CPA6: variants seen among roughly 807,000 people sequenced by gnomAD.
CPA6 encodes the protein carboxypeptidase A6.
CPA6 carries 58 observed loss-of-function variants against 63.3 expected under a neutral mutation model. That is an observed-to-expected ratio of 0.92 (90% CI 0.74 to 1.14). The LOEUF is 1.14. CPA6 is among the 50% of genes most tolerant of loss of function. CPA6 has a pLI of 0.00. For missense variants in CPA6, 565 were observed against 526.6 expected (o/e 1.07, Z -0.71); for synonymous variants, 185 against 179.0 (o/e 1.03, Z -0.27).
intron 8 of CPA6, among the ~76,000 whole-genome samples, chr8:67,436,256 C>T (rs1032903595): frequency 1.4e-4 from 21 of 152,050 alleles, no homozygotes; most frequent in Non-Finnish European, 2.9e-4. Context: ...AAGCCGATGT[C>T]CCTGTTTCAG....
chr8:67,423,781 C>T (rs1358903614), intron 10 of CPA6, among the ~76,000 whole-genome samples: 1 of 152,198 alleles, frequency 6.6e-6, no homozygotes, highest in African/African-American at 2.4e-5. Context: ...CTCTTCTCAT[C>T]TTCATGTTAC....
intron 1 of CPA6, among the ~76,000 whole-genome samples, chr8:67,667,255 C>T (rs1172364518): frequency 1.3e-5 from 2 of 152,148 alleles, no homozygotes; most frequent in Non-Finnish European, 2.9e-5. Flanking sequence ...GGGGTGAAGG[C>T]TTTATGTTTA....
intron 1 of CPA6, among the ~76,000 whole-genome samples, chr8:67,703,410 G>A (rs1483285893): frequency 6.6e-6 from 1 of 152,130 alleles, no homozygotes; most frequent in Non-Finnish European, 1.5e-5. Context: ...TGAAATATTT[G>A]GGGTTTCCTC....
At chr8:67,727,953 CT>C (rs1817629613) in intron 1 of CPA6, among the ~76,000 whole-genome samples, 1 of 151,964 alleles carries the variant, frequency 6.6e-6, no homozygotes, top group South Asian at 2.1e-4. Flanking sequence ...TGGCAAGTGC[CT>C]GTAGTCCCAG....
chr8:67,524,362 CT>C (rs1812319731), intron 2 of CPA6, among the ~76,000 whole-genome samples: 1 of 152,184 alleles, frequency 6.6e-6, no homozygotes, highest in Non-Finnish European at 1.5e-5. Flanking sequence ...GAAATCTATT[CT>C]CTCACAGATT....
At chr8:67,629,236 G>A (rs1053649612) in intron 1 of CPA6, among the ~76,000 whole-genome samples, 3 of 152,104 alleles carry the variant, frequency 2.0e-5, no homozygotes, top group African/African-American at 7.2e-5. Flanking sequence ...GGAGGCTGAG[G>A]TAGGAGAATA....
intron 8 of CPA6, among the ~76,000 whole-genome samples, chr8:67,481,748 AGAGT>A (rs1264982809): frequency 2.0e-5 from 3 of 152,208 alleles, no homozygotes; most frequent in Non-Finnish European, 4.4e-5. Context: ...CCCTGACCTC[AGAGT>A]GATTCCCACA....
chr8:67,459,507 C>G (rs569881436), intron 8 of CPA6, among the ~76,000 whole-genome samples: 1 of 152,088 alleles, frequency 6.6e-6, no homozygotes, highest in Non-Finnish European at 1.5e-5. Flanking sequence ...GTGAAAGAAG[C>G]CAATCCAAAA....
chr8:67,597,416 G>C (rs1472725365), intron 2 of CPA6, among the ~76,000 whole-genome samples: 1 of 152,006 alleles, frequency 6.6e-6, no homozygotes, highest in African/African-American at 2.4e-5. Context: ...GGAGAGTCTC[G>C]ATCTCTTGAC....
At chr8:67,663,669 A>G (rs541002890) in intron 1 of CPA6, among the ~76,000 whole-genome samples, 6 of 152,252 alleles carry the variant, frequency 3.9e-5, no homozygotes, top group African/African-American at 1.4e-4. Flanking sequence ...AATGGCTTCC[A>G]GCTCCATCAA....
chr8:67,555,975 G>A (rs897900800), intron 2 of CPA6, among the ~76,000 whole-genome samples: 2 of 152,188 alleles, frequency 1.3e-5, no homozygotes. Flanking sequence ...GCCTGAAGCA[G>A]TGTGTAGTTC....
At chr8:67,422,811 C>A in intron 10 of CPA6, 120 bp from the exon 11 acceptor site, 2 of 710,986 alleles carry the variant, frequency 2.8e-6, no homozygotes, top group Non-Finnish European at 2.2e-6. Context: ...CAATTAAATG[C>A]TGTTTCAATA....
intron 8 of CPA6, among the ~76,000 whole-genome samples, chr8:67,458,161 T>C (rs1466513728): frequency 6.6e-6 from 1 of 152,100 alleles, no homozygotes; most frequent in Non-Finnish European, 1.5e-5. Context: ...GAAAATAACA[T>C]AGCAGAAAAT....
At position 67,608,082 on chromosome 8, in the gene CPA6, T is replaced by C. The variant is rs184536529; in HGVS notation, c.192+16094A>G. 3.2e-3 allele frequency among the ~76,000 whole-genome samples: 489 copies of C among 152,244 alleles called. 1 individual carries two copies. Among genetic ancestry groups the C allele is most frequent in the South Asian group, 6.2e-3 (30 of 4,824 alleles). ...AGGCTGCAGAAGAGGAAGGAAGGAA[T>C]GGAGGAAGAACTTTCATTCTTTAAA... On this transcript the variant is annotated intron_variant, in intron 2 of 10. Coordinates refer to ENST00000297770, the MANE Select transcript of CPA6 (RefSeq NM_020361.5).
chr8:67,566,809 T>C (rs1034193011), intron 2 of CPA6, among the ~76,000 whole-genome samples: 2 of 151,740 alleles, frequency 1.3e-5, no homozygotes, highest in African/African-American at 2.4e-5. Context: ...TTCCAGTGCA[T>C]GAACTCTAAC....
intron 1 of CPA6, among the ~76,000 whole-genome samples, chr8:67,697,642 T>A (rs1262484264): frequency 6.6e-6 from 1 of 152,208 alleles, no homozygotes; most frequent in Non-Finnish European, 1.5e-5. Context: ...CCAGAGAGAA[T>A]GAGATTGCCT....
chr8:67,664,606 T>G (rs1194428674), intron 1 of CPA6, among the ~76,000 whole-genome samples: 2 of 152,152 alleles, frequency 1.3e-5, no homozygotes, highest in Non-Finnish European at 2.9e-5. Context: ...CTGCCTTTTT[T>G]TTCTTTTTCT....
chr8:67,430,141 G>C (rs1339652848), intron 9 of CPA6, among the ~76,000 whole-genome samples: 1 of 143,814 alleles, frequency 7.0e-6, no homozygotes, highest in Non-Finnish European at 1.5e-5. Flanking sequence ...ATGTGTGTGT[G>C]TGTGTGTGTG....
intron 1 of CPA6, among the ~76,000 whole-genome samples, chr8:67,665,986 C>G (rs972248823): frequency 6.6e-6 from 1 of 152,224 alleles, no homozygotes; most frequent in Non-Finnish European, 1.5e-5. Flanking sequence ...GTCCACGCCT[C>G]TCTTCCATCT....
Sources: gnomAD v4.1 joint callset for allele counts (sites outside exome capture counted in the v4.1 genomes callset) on GRCh38, gnomAD v4.1.1 for gene constraint, MANE v1.5 for transcripts, NCBI Gene and HGNC (gene_info 2026-07-23, HGNC 2026-07-21) for gene names.